CNTN5: variants seen among roughly 807,000 people sequenced by gnomAD.
CNTN5 encodes contactin 5, also known as contactin-5.
CNTN5 carries 77 observed loss-of-function variants against 129.1 expected under a neutral mutation model. The observed-to-expected ratio is 0.60, with a 90% confidence interval of 0.50 to 0.72. The LOEUF (loss-of-function observed/expected upper bound fraction) is 0.72. Ranked by LOEUF, CNTN5 falls within the 30% of genes least tolerant of loss-of-function variation. The pLI is 0.00. For missense variants in CNTN5, 1,478 were observed against 1,328.8 expected, an observed-to-expected ratio of 1.11 and a Z score of -1.75; for synonymous variants, 509 against 465.6, an observed-to-expected ratio of 1.09 and a Z score of -1.20.
At chr11:100,156,449 C>A (rs971938755) in intron 13 of CNTN5, among the ~76,000 whole-genome samples, 1 of 151,890 alleles carries the variant, frequency 6.6e-6, no homozygotes, top group African/African-American at 2.4e-5. Context: ...TCAGGGATAT[C>A]GGCCTGAAAT....
intron 1 of CNTN5, among the ~76,000 whole-genome samples, chr11:99,117,300 T>A (rs913451379): frequency 6.6e-6 from 1 of 152,110 alleles, no homozygotes. Context: ...ACCCATATAA[T>A]CAGCACACAG....
chr11:100,000,636 A>C (rs1384341309), intron 8 of CNTN5, among the ~76,000 whole-genome samples: 1 of 152,184 alleles, frequency 6.6e-6, no homozygotes. Flanking sequence ...ACAATACCCC[A>C]GTGGGGACAC....
chr11:100,291,973 T>C (rs1950992074), intron 18 of CNTN5, among the ~76,000 whole-genome samples: 1 of 151,880 alleles, frequency 6.6e-6, no homozygotes, highest in Admixed American at 6.6e-5. Flanking sequence ...CAGCCTCAAA[T>C]AAATCCTAAG....
chr11:100,171,284 C>T (rs999099406), intron 13 of CNTN5, among the ~76,000 whole-genome samples: 4 of 151,916 alleles, frequency 2.6e-5, no homozygotes, highest in African/African-American at 9.7e-5. Context: ...AATCTTGCCC[C>T]GGATGCTATC....
chr11:99,212,439 C>T (rs1859850446), intron 1 of CNTN5, among the ~76,000 whole-genome samples: 1 of 152,092 alleles, frequency 6.6e-6, no homozygotes, highest in Non-Finnish European at 1.5e-5. Flanking sequence ...ATCGATAATA[C>T]CTACACTTTC....
chr11:99,687,277 T>C (rs980131516), intron 3 of CNTN5, among the ~76,000 whole-genome samples: 1 of 152,150 alleles, frequency 6.6e-6, no homozygotes, highest in African/African-American at 2.4e-5. Flanking sequence ...AGACGCTTAA[T>C]ATTATATTAA....
chr11:100,142,517 C>T (rs190259508), intron 13 of CNTN5, among the ~76,000 whole-genome samples: 2 of 152,254 alleles, frequency 1.3e-5, no homozygotes, highest in African/African-American at 4.8e-5. Context: ...AAATTTCGCA[C>T]TTGACTTCAT....
intron 9 of CNTN5, among the ~76,000 whole-genome samples, chr11:100,057,952 C>T (rs768067920): frequency 3.3e-5 from 5 of 152,000 alleles, no homozygotes; most frequent in South Asian, 2.1e-4. Flanking sequence ...TTCCACCATA[C>T]GTTACAATTG....
At chr11:100,139,805 G>A (rs776936261) in intron 13 of CNTN5, among the ~76,000 whole-genome samples, 7 of 151,984 alleles carry the variant, frequency 4.6e-5, no homozygotes, top group Non-Finnish European at 5.9e-5. Context: ...TGGAGGCTGC[G>A]GTGAGCTGAG....
intron 3 of CNTN5, among the ~76,000 whole-genome samples, chr11:99,566,676 TCTGA>T (rs1189742464): frequency 6.6e-6 from 1 of 152,150 alleles, no homozygotes; most frequent in Non-Finnish European, 1.5e-5. Flanking sequence ...TTAATATGAG[TCTGA>T]CTATTTCCTG....
chr11:99,718,866 G>A (rs1483384049), intron 3 of CNTN5, among the ~76,000 whole-genome samples: 1 of 152,000 alleles, frequency 6.6e-6, no homozygotes. Flanking sequence ...GTAGTAGTAA[G>A]GCCAGGTTTC....
rs117878923 is a variant in CNTN5, at chr11:99,140,550, A to T, written c.-210+119280A>T. Among the ~76,000 whole-genome samples, 314 of 152,148 alleles carry T rather than the reference A, an allele frequency of 2.1e-3. 13 individuals carry two copies. In the East Asian group the frequency reaches 0.053, roughly 26 times the overall value. On this transcript the variant is annotated intron_variant, in intron 1 of 24. Transcript: ENST00000524871. Reference sequence around the variant, plus strand: ...ATTATGTTGAATGAATCTGGTACGAATAGGCATCCTTGCTTGTTCCAGTTC... The same window carrying T: ...ATTATGTTGAATGAATCTGGTACGATTAGGCATCCTTGCTTGTTCCAGTTC...
chr11:99,032,266 C>T (rs903367324), intron 1 of CNTN5, among the ~76,000 whole-genome samples: 3 of 151,836 alleles, frequency 2.0e-5, no homozygotes, highest in East Asian at 1.9e-4. Flanking sequence ...ATTTATAGTC[C>T]TTTGGGTATA....
At chr11:99,904,657 A>C (rs1949448827) in intron 6 of CNTN5, among the ~76,000 whole-genome samples, 1 of 152,174 alleles carries the variant, frequency 6.6e-6, no homozygotes, top group African/African-American at 2.4e-5. Context: ...GTATATACCC[A>C]GTAATGCGAT....
At chr11:99,386,188 T>C (rs1233323936) in intron 2 of CNTN5, among the ~76,000 whole-genome samples, 4 of 152,294 alleles carry the variant, frequency 2.6e-5, no homozygotes, top group African/African-American at 9.6e-5. Context: ...CAGGTTCCCC[T>C]GAAGCACATC....
intron 21 of CNTN5, among the ~76,000 whole-genome samples, chr11:100,320,513 T>C (rs1428209508): frequency 6.6e-6 from 1 of 152,206 alleles, no homozygotes; most frequent in Non-Finnish European, 1.5e-5. Context: ...CTGTTGATTG[T>C]GGCTTTTGCT....
intron 15 of CNTN5, among the ~76,000 whole-genome samples, chr11:100,197,191 G>C (rs1320175388): frequency 6.6e-6 from 1 of 151,932 alleles, no homozygotes; most frequent in Non-Finnish European, 1.5e-5. Context: ...GCGTGTTTTG[G>C]GAACAGTGAG....
At chr11:100,273,926 C>A (rs1950454606) in intron 18 of CNTN5, among the ~76,000 whole-genome samples, 1 of 152,060 alleles carries the variant, frequency 6.6e-6, no homozygotes, top group South Asian at 2.1e-4. Context: ...CAATGCTAAG[C>A]AAAAAGAAGA....
At chr11:99,111,116 T>G (rs1857774102) in intron 1 of CNTN5, among the ~76,000 whole-genome samples, 2 of 152,260 alleles carry the variant, frequency 1.3e-5, no homozygotes, top group South Asian at 4.1e-4. Flanking sequence ...CAATTCAACA[T>G]GAGAATTTAA....
Sources: allele counts gnomAD v4.1 joint callset (sites outside exome capture counted in the v4.1 genomes callset), GRCh38; gene constraint gnomAD v4.1.1; transcripts MANE v1.5; gene names NCBI Gene and HGNC (gene_info 2026-07-23, HGNC 2026-07-21).